ENTREP2: variants seen among roughly 807,000 people sequenced by gnomAD.
The protein encoded by ENTREP2 is protein ENTREP2.
At chr15:29,411,273 G>C in the ENTREP2 span, among the ~76,000 whole-genome samples, 1 of 152,148 alleles carries the variant, frequency 6.6e-6, no homozygotes, top group Non-Finnish European at 1.5e-5. Context: ...AGAATGCCAA[G>C]TTGTATTCCA....
the ENTREP2 span, among the ~76,000 whole-genome samples, chr15:29,242,672 G>A: frequency 1.3e-5 from 2 of 152,254 alleles, no homozygotes; most frequent in African/African-American, 4.8e-5. Context: ...GGCCCTGGAT[G>A]TGGGACAAGG....
At chr15:29,224,309 C>T in the ENTREP2 span, among the ~76,000 whole-genome samples, 2 of 152,206 alleles carry the variant, frequency 1.3e-5, no homozygotes, top group East Asian at 1.9e-4. Flanking sequence ...GTGATAAAGG[C>T]AGTTTGGACC....
the ENTREP2 span, among the ~76,000 whole-genome samples, chr15:29,186,262 A>T: frequency 6.6e-6 from 1 of 152,202 alleles, no homozygotes; most frequent in South Asian, 2.1e-4. Flanking sequence ...GGAAGGAGGG[A>T]CTGTCTCTCT....
At chr15:29,560,340 C>G in the ENTREP2 span, among the ~76,000 whole-genome samples, 41 of 152,112 alleles carry the variant, frequency 2.7e-4, no homozygotes, top group Non-Finnish European at 3.5e-4. Context: ...GATGTAAAGT[C>G]AGCAATAGGG....
At chr15:29,557,227 T>G in the ENTREP2 span, among the ~76,000 whole-genome samples, 3,438 of 152,178 alleles carry the variant, frequency 0.023, 60 homozygotes, top group Non-Finnish European at 0.033. Context: ...GCCTGATGAG[T>G]TCCCACTGTG....
chr15:29,205,296 CTATT>C, the ENTREP2 span, among the ~76,000 whole-genome samples: 1 of 152,216 alleles, frequency 6.6e-6, no homozygotes, highest in South Asian at 2.1e-4. Context: ...GTGCACATAT[CTATT>C]TGAGTCCCTG....
the ENTREP2 span, among the ~76,000 whole-genome samples, chr15:29,554,037 G>A: frequency 2.0e-3 from 309 of 152,230 alleles, 1 homozygote; most frequent in African/African-American, 7.0e-3. Flanking sequence ...GAAGGGGGCC[G>A]TGCACGGTGG....
the ENTREP2 span, among the ~76,000 whole-genome samples, chr15:29,646,252 C>T: frequency 6.6e-6 from 1 of 152,194 alleles, no homozygotes; most frequent in Admixed American, 6.5e-5. Flanking sequence ...GGTCAGAAGT[C>T]CAGGTGGCTT....
At chr15:29,378,372 G>T in the ENTREP2 span, among the ~76,000 whole-genome samples, 1 of 152,116 alleles carries the variant, frequency 6.6e-6, no homozygotes. Context: ...AAAACTCTGC[G>T]GTGATGGTTC....
chr15:29,577,370 G>A, the ENTREP2 span, among the ~76,000 whole-genome samples: 5 of 149,220 alleles, frequency 3.4e-5, no homozygotes, highest in South Asian at 4.3e-4. Context: ...AAGGGAACAC[G>A]TGTGATAGGG....
chr15:29,615,835 T>A, the ENTREP2 span, among the ~76,000 whole-genome samples: 4 of 152,196 alleles, frequency 2.6e-5, no homozygotes, highest in African/African-American at 9.6e-5. Flanking sequence ...AAAAATCCAC[T>A]GTGCAGATTG....
chr15:29,534,739 T>C, the ENTREP2 span, among the ~76,000 whole-genome samples: 1,783 of 152,290 alleles, frequency 0.012, 28 homozygotes, highest in African/African-American at 0.041. Context: ...CCCTGAATTC[T>C]ACCTCAGTGG....
At chr15:29,604,948 A>C in the ENTREP2 span, among the ~76,000 whole-genome samples, 90 of 152,338 alleles carry the variant, frequency 5.9e-4, no homozygotes, top group African/African-American at 2.0e-3. Flanking sequence ...ACACACAGTG[A>C]CATGCACAGG....
the ENTREP2 span, among the ~76,000 whole-genome samples, chr15:29,382,878 A>T: frequency 6.6e-6 from 1 of 152,166 alleles, no homozygotes; most frequent in Non-Finnish European, 1.5e-5. Context: ...CCACAACTCC[A>T]AGGAAACTTC....
chr15:29,125,240 C>T, the ENTREP2 span, among the ~76,000 whole-genome samples: 10 of 152,200 alleles, frequency 6.6e-5, no homozygotes, highest in African/African-American at 2.4e-4. Context: ...TCCTCCAAAC[C>T]TCAGTGAGTG....
chr15:29,621,274 A>C, the ENTREP2 span, among the ~76,000 whole-genome samples: 1 of 151,978 alleles, frequency 6.6e-6, no homozygotes, highest in South Asian at 2.1e-4. Context: ...CTGTAATCCC[A>C]GCACTATGGG....
chr15:29,197,785 T>C, the ENTREP2 span, among the ~76,000 whole-genome samples: 1 of 151,378 alleles, frequency 6.6e-6, no homozygotes, highest in African/African-American at 2.4e-5. Flanking sequence ...AAAAAATCAG[T>C]AAAATCTATG....
chr15:29,435,093 A>G, the ENTREP2 span, among the ~76,000 whole-genome samples: 1 of 151,946 alleles, frequency 6.6e-6, no homozygotes, highest in East Asian at 1.9e-4. Flanking sequence ...CCTCTTCCCT[A>G]TCACTCTCCA....
the ENTREP2 span, among the ~76,000 whole-genome samples, chr15:29,446,003 A>G: frequency 6.6e-6 from 1 of 152,214 alleles, no homozygotes; most frequent in Non-Finnish European, 1.5e-5. Context: ...ATTCTAAATT[A>G]TTGAGAGTGA....
Sources: gnomAD v4.1 joint callset for allele counts (sites outside exome capture counted in the v4.1 genomes callset) on GRCh38, gnomAD v4.1.1 for gene constraint, MANE v1.5 for transcripts, NCBI Gene and HGNC (gene_info 2026-07-23, HGNC 2026-07-21) for gene names.